Variants in TRIM13 observed in about 807,000 individuals in gnomAD.
TRIM13 encodes E3 ubiquitin-protein ligase TRIM13.
Under a neutral mutation model 27.1 loss-of-function variants are expected in TRIM13, and 15 were observed. The ratio of observed to expected loss-of-function variants is 0.55; its 90% confidence interval spans 0.37 to 0.85. TRIM13 has a LOEUF of 0.85. Ranked by LOEUF, TRIM13 falls within the 40% of genes least tolerant of loss-of-function variation. TRIM13 has a pLI of 0.00. For synonymous variants in TRIM13, 193 were observed against 171.5 expected, an observed-to-expected ratio of 1.13 and a Z score of -0.98; for missense variants, 402 against 472.2, an observed-to-expected ratio of 0.85 and a Z score of 1.38.
chr13:50,011,878 A>G (rs973833435), intron 1 of TRIM13, 57 bp from the exon 2 acceptor site: 3 of 1,492,376 alleles, frequency 2.0e-6, no homozygotes, highest in Non-Finnish European at 2.7e-6. Context: ...TCTAATTATT[A>G]CATAGTCCTA....
At position 50,013,518 on chromosome 13, in the gene TRIM13, CTTT is replaced by C. The variant is rs33989231; in HGVS notation, c.*374_*376del. 162 of 86,572 alleles carry C rather than the reference CTTT, an allele frequency of 1.9e-3. 1 individual carries two copies. Among genetic ancestry groups the C allele is most frequent in the African/African-American group, 5.2e-3 (119 of 22,832 alleles). The allele number at this position is 86,572 out of a possible 1,614,324, so 5.4% of individuals were successfully genotyped here. A position where few individuals can be genotyped will look rare whatever the true frequency, so the allele number is the denominator to read the frequency against. ...TTCTTCAAGCATGCAGTAAAGATCA[CTTT>C]TTTTTTTTTTTTTTTTTTTGAGATG... is the stretch of plus-strand genomic sequence containing the variant. On this transcript the variant is annotated 3_prime_UTR_variant, in exon 2 of 2. Coordinates refer to ENST00000378182, the MANE Select transcript of TRIM13 (RefSeq NM_213590.3).
rs1876200905 is a variant in TRIM13 at position 50,015,057 on chromosome 13, CT to C, written c.*1897del. The C allele has an allele frequency of 7.8e-6, 1 of 127,958 alleles. No individual in the cohort carries two copies. The highest frequency in any genetic ancestry group is 3.1e-4 in the East Asian group (1 of 3,256). 7.9% of individuals were successfully genotyped at this position (127,958 alleles called of 1,614,324 possible). A position where few individuals can be genotyped will look rare whatever the true frequency, so the allele number is the denominator to read the frequency against. ...TAGACAGGTATGGGGAGGGAGAATG[CT>C]TTTCCCCTCCCAGTAATAAAAAAAA... On this transcript the variant is annotated 3_prime_UTR_variant, in exon 2 of 2. Transcript: ENST00000378182.
intron 1 of TRIM13, among the ~76,000 whole-genome samples, chr13:50,000,447 A>G (rs1295603021): frequency 6.6e-6 from 1 of 152,208 alleles, no homozygotes; most frequent in Non-Finnish European, 1.5e-5. Flanking sequence ...AAATGTTACA[A>G]TACCAAAAAA....
At chr13:50,000,896 T>G (rs931736789) in intron 1 of TRIM13, 2 of 152,230 alleles carry the variant, frequency 1.3e-5, no homozygotes, top group Admixed American at 1.3e-4. Context: ...CTACACAGAT[T>G]TCTAAGTGTA....
Position 50,016,258 on chromosome 13 carries a change from A to T in TRIM13, c.*3094A>T. ...CCAAACTGGGATACTTTTTAGAGTG[A>T]AAGGGGCTATTATTAGGTGGGACAA... On this transcript the variant is annotated 3_prime_UTR_variant, in exon 2 of 2. Coordinates refer to ENST00000378182, the MANE Select transcript of TRIM13 (RefSeq NM_213590.3). 1.8e-6 allele frequency: 1 copy of T among 569,834 alleles called. No individual in the cohort carries two copies. The highest frequency in any genetic ancestry group is 3.3e-5 in the Admixed American group (1 of 30,726). 35.3% of individuals were successfully genotyped at this position (569,834 alleles called of 1,614,324 possible). A position where few individuals can be genotyped will look rare whatever the true frequency, so the allele number is the denominator to read the frequency against.
In TRIM13 at chr13:50,013,028, AT is replaced by A. The variant is rs1472672694; in HGVS notation, c.1091del (p.Phe364SerfsTer2). The part of the protein sequence containing the change: ...NFSSYLTKTA[D>X]FIEQSVFYWE... ...AGTTCCTATCTGACTAAAACAGCCG[AT>A]TTCATAGAACAATCAGTTTTTTACT... On this transcript the variant is annotated frameshift_variant, in exon 2 of 2. Coordinates refer to ENST00000378182, the MANE Select transcript of TRIM13 (RefSeq NM_213590.3). LOFTEE classifies it high-confidence loss of function. The A allele has an allele frequency of 6.2e-7, 1 of 1,613,980 alleles. No homozygotes were observed. Among genetic ancestry groups the A allele is most frequent in the Admixed American group, 1.7e-5 (1 of 59,998 alleles).
chr13:50,002,239 A>G (rs1036447816), intron 1 of TRIM13, among the ~76,000 whole-genome samples: 7 of 152,130 alleles, frequency 4.6e-5, no homozygotes, highest in Admixed American at 4.6e-4. Flanking sequence ...AAACATAAAA[A>G]TGAGCCTGAC....
chr13:50,005,810 C>T (rs1359724350), intron 1 of TRIM13, among the ~76,000 whole-genome samples: 2 of 149,196 alleles, frequency 1.3e-5, no homozygotes, highest in Admixed American at 6.7e-5. Context: ...TCTGGCCTCA[C>T]GGGTTCAAGC....
rs1873398533 is a variant in TRIM13 at position 49,997,670 on chromosome 13, C to T, written c.-100C>T. 6.6e-6 allele frequency: 1 copy of T among 152,114 alleles called. No individual in the cohort carries two copies. Among genetic ancestry groups the T allele is most frequent in the Admixed American group, 6.5e-5 (1 of 15,270 alleles). The allele number at this position is 152,114 out of a possible 1,614,324, so 9.4% of individuals were successfully genotyped here. On this transcript the variant is annotated 5_prime_UTR_variant, in exon 1 of 2. Coordinates refer to ENST00000378182, the MANE Select transcript of TRIM13 (RefSeq NM_213590.3). Reference sequence around the variant, plus strand: ...TCTTTTTCTTCTTTCTTTGCAGTAGCCTCTAGTTCGTTAGTCAAAACGTGA... The same window carrying T: ...TCTTTTTCTTCTTTCTTTGCAGTAGTCTCTAGTTCGTTAGTCAAAACGTGA...
At position 50,015,148 on chromosome 13, in the gene TRIM13, T is replaced by G. The variant is rs1876369778; in HGVS notation, c.*1984T>G. 7.9e-6 allele frequency: 1 copy of G among 127,216 alleles called. No individual in the cohort carries two copies. Among genetic ancestry groups the G allele is most frequent in the African/African-American group, 3.5e-5 (1 of 28,716 alleles). 7.9% of individuals were successfully genotyped at this position (127,216 alleles called of 1,614,324 possible). On this transcript the variant is annotated 3_prime_UTR_variant, in exon 2 of 2. Coordinates refer to ENST00000378182, the MANE Select transcript of TRIM13 (RefSeq NM_213590.3). ...ATATATATATATATATATATATATA[T>G]ATAGTTTTACTAGGTTTTCATGGAT... is the stretch of plus-strand genomic sequence containing the variant.
chr13:49,999,870 G>A (rs2138336012), intron 1 of TRIM13, among the ~76,000 whole-genome samples: 1 of 152,278 alleles, frequency 6.6e-6, no homozygotes, highest in South Asian at 2.1e-4. Context: ...GAGTTCTTGA[G>A]TCCCTTTCTA....
At position 50,011,915 on chromosome 13, in the gene TRIM13, A is replaced by ATT. The variant is rs529291103; in HGVS notation, c.-6-9_-6-8dup. Reference sequence around the variant, plus strand: ...TGGTGACGGTTATTGGAGTAAAATAATTTTTTTTTTTTCTGGTAGGATGTG... The same window carrying ATT: ...TGGTGACGGTTATTGGAGTAAAATAATTTTTTTTTTTTTTCTGGTAGGATGTG... On this transcript the variant is annotated intron_variant, in intron 1 of 1. Transcript: ENST00000378182. 4.8e-5 allele frequency: 55 copies of ATT among 1,156,214 alleles called. No homozygotes were observed. Among genetic ancestry groups the ATT allele is most frequent in the African/African-American group, 1.4e-4 (9 of 63,312 alleles). 71.6% of individuals were successfully genotyped at this position (1,156,214 alleles called of 1,614,324 possible).
Position 50,013,297 on chromosome 13 carries a change from T to C in TRIM13, c.*133T>C. ...ATTCCTTCCAAAAATAATCTATACA[T>C]GTTCAAATTAGGTAGCATAAAGATA... On this transcript the variant is annotated 3_prime_UTR_variant, in exon 2 of 2. Transcript: ENST00000378182. The C allele has an allele frequency of 3.2e-6, 3 of 941,950 alleles. No individual in the cohort carries two copies. Among genetic ancestry groups the C allele is most frequent in the Non-Finnish European group, 4.6e-6 (3 of 658,770 alleles). 58.3% of individuals were successfully genotyped at this position (941,950 alleles called of 1,614,324 possible).
rs1313076162 is a variant in TRIM13, at chr13:50,015,097, A to T, written c.*1933A>T. The stretch of plus-strand genomic sequence containing the variant: ...TAATAAAAAAAAAAAAAAAAAAAAT[A>T]TATATATATATATATATATATATAT... On this transcript the variant is annotated 3_prime_UTR_variant, in exon 2 of 2. Transcript: ENST00000378182. The T allele has an allele frequency of 5.0e-3, 17 of 3,410 alleles. 1 individual carries two copies. Among genetic ancestry groups the T allele is most frequent in the Non-Finnish European group, 0.012 (13 of 1,104 alleles). 0.2% of individuals were successfully genotyped at this position (3,410 alleles called of 1,614,324 possible). A position where few individuals can be genotyped will look rare whatever the true frequency, so the allele number is the denominator to read the frequency against.
chr13:50,010,971 A>G (rs1005351513), intron 1 of TRIM13, among the ~76,000 whole-genome samples: 1 of 152,182 alleles, frequency 6.6e-6, no homozygotes, highest in African/African-American at 2.4e-5. Context: ...ATATTAAAAA[A>G]CTGTACACAG....
rs375315812 is a variant in TRIM13 at position 49,998,218 on chromosome 13, G to A, written c.-7+455G>A. Among the ~76,000 whole-genome samples, 77 of 152,220 alleles carry A rather than the reference G, an allele frequency of 5.1e-4. 2 individuals are homozygous for A. In the South Asian group the frequency reaches 0.016, roughly 31 times the overall value. Reference sequence around the variant, plus strand: ...TACTTCCTTCTTGCACAATGGGAGCGTCCCTATCCCTCCCTAAAAATACGT... The same window carrying A: ...TACTTCCTTCTTGCACAATGGGAGCATCCCTATCCCTCCCTAAAAATACGT... On this transcript the variant is annotated intron_variant, in intron 1 of 1. Coordinates refer to ENST00000378182, the MANE Select transcript of TRIM13 (RefSeq NM_213590.3).
Position 50,016,642 on chromosome 13 carries a change from T to C in TRIM13, c.*3478T>C, listed in dbSNP as rs972077741. The stretch of plus-strand genomic sequence containing the variant: ...ATATTGGGATAGGCTGTCAGTATGT[T>C]AAGGATAGTTGCTCCTGAGTCAATT... On this transcript the variant is annotated 3_prime_UTR_variant, in exon 2 of 2. Transcript: ENST00000378182. 3 of 167,320 alleles carry C rather than the reference T, an allele frequency of 1.8e-5. No individual in the cohort carries two copies. Among genetic ancestry groups the C allele is most frequent in the African/African-American group, 7.2e-5 (3 of 41,454 alleles). The allele number at this position is 167,320 out of a possible 1,614,324, so 10.4% of individuals were successfully genotyped here.
rs1876476499 is a variant in TRIM13 at position 50,015,866 on chromosome 13, G to T, written c.*2702G>T. 1 of 1,614,090 alleles carries T rather than the reference G, an allele frequency of 6.2e-7. No individual in the cohort carries two copies. Among genetic ancestry groups the T allele is most frequent in the Non-Finnish European group, 8.5e-7 (1 of 1,179,980 alleles). On this transcript the variant is annotated 3_prime_UTR_variant, in exon 2 of 2. Coordinates refer to ENST00000378182, the MANE Select transcript of TRIM13 (RefSeq NM_213590.3). ...CCGGAACACTCAAGCTTTTTTCAGG[G>T]TGTTTGGCTCTTGCAGCAAAACAAT...
rs921186992 is a variant in TRIM13, at chr13:50,012,976, A to G, written c.1036A>G (p.Thr346Ala). The change falls in exon 2 of 2, where the codon ACT becomes GCT. Residue 346 changes from threonine to alanine, a missense_variant. Thr to Ala is a moderately conservative substitution (Grantham distance 58). This residue lies in a region of TRIM13 where 200 missense variants were observed against 194.7 expected (regional missense o/e 1.03). Coordinates refer to ENST00000378182, the MANE Select transcript of TRIM13 (RefSeq NM_213590.3). ...ATGGTCATTATTTGATGACCTGGCA[A>G]CTTGGAAAGGCTGTCTTTCAAACTT... ...LEWSLFDDLATWKGCLSNFSS... is the reference protein window; with the variant it reads ...LEWSLFDDLAAWKGCLSNFSS... The G allele has an allele frequency of 6.2e-6, 10 of 1,613,820 alleles. No homozygotes were observed. Among genetic ancestry groups the G allele is most frequent in the Non-Finnish European group, 8.5e-6 (10 of 1,179,880 alleles).
Sources: gnomAD v4.1 joint callset for allele counts (sites outside exome capture counted in the v4.1 genomes callset) on GRCh38, gnomAD v4.1.1 for gene constraint, gnomAD v4.1.1 regional missense constraint, MANE v1.5 for transcripts, NCBI Gene and HGNC (gene_info 2026-07-23, HGNC 2026-07-21) for gene names.